DLGAP1: variants seen among roughly 807,000 people sequenced by gnomAD.
The protein encoded by DLGAP1 is disks large-associated protein 1.
A neutral mutation model predicts 90.8 loss-of-function variants in DLGAP1; 11 were observed. The observed-to-expected ratio is 0.12, with a 90% CI of 0.08 to 0.20. The LOEUF is 0.20. DLGAP1 is among the 10% of genes least tolerant of loss of function. DLGAP1 has a pLI of 1.00. For missense variants in DLGAP1, 1,050 were observed against 1,333.8 expected, an observed-to-expected ratio of 0.79 and a Z score of 3.31; for synonymous variants, 558 against 540.7, an observed-to-expected ratio of 1.03 and a Z score of -0.44.
At chr18:4,307,046 C>A (rs1394951818) in intron 1 of DLGAP1, among the ~76,000 whole-genome samples, 1 of 152,088 alleles carries the variant, frequency 6.6e-6, no homozygotes, top group Non-Finnish European at 1.5e-5. Flanking sequence ...AAGTTTGGTG[C>A]TAATAAATAA....
intron 1 of DLGAP1, among the ~76,000 whole-genome samples, chr18:4,372,665 G>A (rs1481956659): frequency 6.6e-6 from 1 of 152,174 alleles, no homozygotes; most frequent in African/African-American, 2.4e-5. Context: ...AGTGGCTCAC[G>A]CCTGTAATCC....
Position 3,729,227 on chromosome 18 carries a change from T to C in DLGAP1, c.1499A>G (p.Lys500Arg). Residue 500 changes from lysine to arginine, a missense_variant, in exon 7 of 13, where the codon AAA (lysine) becomes AGA (arginine). Physicochemically the swap from Lys to Arg is conservative, Grantham distance 26. Around this residue, in one of 2 missense-constraint regions of DLGAP1, gnomAD observed 565 missense variants for 879.7 expected, o/e 0.64. Coordinates refer to ENST00000315677, the MANE Select transcript of DLGAP1 (RefSeq NM_004746.4). This position sits in a 1 kb window ranked among gnomAD's most constrained non-coding sequence, Gnocchi z 6.2. ...RSHSYVRAIE[K>R]GCSQDDECVS... ...GCACTCGTCGTCCTGGGAGCAGCCT[T>C]TCTCAATGGCCCGCACATAGCTGTG... 1.2e-6 allele frequency: 2 copies of C among 1,613,924 alleles called. No homozygotes were observed. Among genetic ancestry groups the C allele is most frequent in the Non-Finnish European group, 1.7e-6 (2 of 1,179,898 alleles).
Position 4,139,401 on chromosome 18 carries a change from T to C in DLGAP1, c.-159+11779A>G, listed in dbSNP as rs191320411. 4.6e-5 allele frequency among the ~76,000 whole-genome samples: 7 copies of C among 152,098 alleles called. No homozygotes were observed. The East Asian group carries it at 9.6e-4, about 21-fold the overall frequency. On this transcript the variant is annotated intron_variant, in intron 2 of 12. Transcript: ENST00000315677. Reference sequence around the variant, plus strand: ...CCCACTGGTCATTCGGGGGCATATATTGGAATTTACATGTCTTTGCATAGT... The same window carrying C: ...CCCACTGGTCATTCGGGGGCATATACTGGAATTTACATGTCTTTGCATAGT...
Position 4,069,628 on chromosome 18 carries a change from A to G in DLGAP1, c.-158-64427T>C, listed in dbSNP as rs534034210. Among the ~76,000 whole-genome samples the G allele has an allele frequency of 2.6e-5, 4 of 152,250 alleles. No homozygotes were observed. The East Asian group carries it at 7.7e-4, about 29-fold the overall frequency. On this transcript the variant is annotated intron_variant, in intron 2 of 12. Coordinates refer to ENST00000315677, the MANE Select transcript of DLGAP1 (RefSeq NM_004746.4). ...CTTGCTCTGGCCATGTGACATGCCC[A>G]CTGCCTCTTCACCTTCTGCCATGAT...
intron 7 of DLGAP1, among the ~76,000 whole-genome samples, chr18:3,704,518 C>T (rs1295806530): frequency 6.6e-6 from 1 of 151,640 alleles, no homozygotes; most frequent in Non-Finnish European, 1.5e-5. Context: ...TGCAGTGAGC[C>T]GAGACTGCAC....
At chr18:4,248,023 T>C (rs2078690854) in intron 1 of DLGAP1, among the ~76,000 whole-genome samples, 1 of 152,148 alleles carries the variant, frequency 6.6e-6, no homozygotes, top group South Asian at 2.1e-4. Context: ...AGTATTAATA[T>C]GGCATTTGGT....
At chr18:3,897,477 T>C (rs2071655620) in intron 3 of DLGAP1, among the ~76,000 whole-genome samples, 4 of 152,216 alleles carry the variant, frequency 2.6e-5, no homozygotes, top group African/African-American at 7.2e-5. Flanking sequence ...GGTCCAGTAA[T>C]GAACACAATT....
chr18:4,111,971 T>TTA (rs1252483962), intron 2 of DLGAP1, among the ~76,000 whole-genome samples: 2 of 150,994 alleles, frequency 1.3e-5, no homozygotes, highest in Non-Finnish European at 3.0e-5. Flanking sequence ...TAATTATTAT[T>TTA]TATATTTGCT....
rs1370136721 is a variant in DLGAP1 at position 4,048,551 on chromosome 18, G to C, written c.-158-43350C>G. ...TGTAATAATTTAAACAAGACTTAAG[G>C]AGGGTTTTTGGTAATTTTTTTCTTT... is the stretch of plus-strand genomic sequence containing the variant. On this transcript the variant is annotated intron_variant, in intron 2 of 12. Transcript: ENST00000315677. 2.0e-5 allele frequency among the ~76,000 whole-genome samples: 3 copies of C among 152,172 alleles called. No individual in the cohort carries two copies. In the East Asian group the frequency reaches 5.8e-4, roughly 29 times the overall value.
At chr18:4,339,164 G>C (rs1295679757) in intron 1 of DLGAP1, among the ~76,000 whole-genome samples, 3 of 152,180 alleles carry the variant, frequency 2.0e-5, no homozygotes, top group Non-Finnish European at 2.9e-5. Flanking sequence ...AGTTAAGTCA[G>C]GACCAAGTTT....
intron 1 of DLGAP1, among the ~76,000 whole-genome samples, chr18:4,360,249 A>C (rs1354566961): frequency 6.6e-6 from 1 of 152,224 alleles, no homozygotes; most frequent in Non-Finnish European, 1.5e-5. Context: ...GGTGGAATGG[A>C]ATATGTGTAC....
intron 1 of DLGAP1, among the ~76,000 whole-genome samples, chr18:4,390,444 T>C (rs1034971920): frequency 1.3e-5 from 2 of 152,160 alleles, no homozygotes; most frequent in Admixed American, 6.5e-5. Context: ...TTGAAAAATG[T>C]ATAATGACAT....
chr18:3,719,240 G>C (rs955259294), intron 7 of DLGAP1, among the ~76,000 whole-genome samples: 9 of 151,442 alleles, frequency 5.9e-5, no homozygotes, highest in Non-Finnish European at 1.5e-5. Flanking sequence ...CTTGATTATA[G>C]TGGTGGATAC....
chr18:4,201,125 G>A (rs1381278880), intron 1 of DLGAP1, among the ~76,000 whole-genome samples: 2 of 150,262 alleles, frequency 1.3e-5, no homozygotes, highest in African/African-American at 2.5e-5. Flanking sequence ...ACTTTTTTTT[G>A]TTGTTCAGAA....
chr18:3,667,487 G>C (rs2059926037), intron 7 of DLGAP1, among the ~76,000 whole-genome samples: 1 of 152,142 alleles, frequency 6.6e-6, no homozygotes, highest in African/African-American at 2.4e-5. Flanking sequence ...AAGTGTTTGT[G>C]AATGATGAGA....
intron 3 of DLGAP1, among the ~76,000 whole-genome samples, chr18:3,990,928 G>T (rs1297473859): frequency 6.6e-6 from 1 of 151,594 alleles, no homozygotes; most frequent in African/African-American, 2.4e-5. Flanking sequence ...TGGCAAAATG[G>T]TTATTTTTTT....
At chr18:3,505,072 T>C (rs76046960) in intron 11 of DLGAP1, among the ~76,000 whole-genome samples, 196 of 152,226 alleles carry the variant, frequency 1.3e-3, no homozygotes, top group African/African-American at 4.3e-3. Flanking sequence ...GAATAGGAAC[T>C]CAAGAAAGGA....
intron 1 of DLGAP1, among the ~76,000 whole-genome samples, chr18:4,185,705 A>T (rs2077282148): frequency 6.6e-6 from 1 of 152,104 alleles, no homozygotes; most frequent in Admixed American, 6.6e-5. Context: ...ATTTAGGTTG[A>T]TTTCATGTCT....
chr18:4,197,538 G>A (rs763586792), intron 1 of DLGAP1, among the ~76,000 whole-genome samples: 6 of 152,162 alleles, frequency 3.9e-5, no homozygotes, highest in Non-Finnish European at 8.8e-5. Flanking sequence ...AGCATGACCA[G>A]ATTGATAGGA....
Sources: allele counts gnomAD v4.1 joint callset (sites outside exome capture counted in the v4.1 genomes callset), GRCh38; gene constraint gnomAD v4.1.1; regional missense constraint gnomAD v4.1.1; non-coding constraint Gnocchi (gnomAD v3.1); transcripts MANE v1.5; gene names NCBI Gene and HGNC (gene_info 2026-07-23, HGNC 2026-07-21).